TMEM108: variants seen among roughly 807,000 people sequenced by gnomAD.
TMEM108 encodes transmembrane protein 108.
Under a neutral mutation model 35.1 loss-of-function variants are expected in TMEM108, and 12 were observed. The ratio of observed to expected loss-of-function variants is 0.34; its 90% CI spans 0.22 to 0.55. The LOEUF (loss-of-function observed/expected upper bound fraction) is 0.55. Ranked by LOEUF, TMEM108 falls within the 20% of genes least tolerant of loss-of-function variation. The pLI is 0.89. For missense variants in TMEM108, 680 were observed against 753.3 expected, an observed-to-expected ratio of 0.90 and a Z score of 1.14; for synonymous variants, 287 against 308.6, an observed-to-expected ratio of 0.93 and a Z score of 0.73.
At position 133,111,453 on chromosome 3, in the gene TMEM108, G is replaced by C. The variant is rs116150512; in HGVS notation, c.-47+65433G>C. ...CTCATCATGAGTCTCTTTAATTAGA[G>C]TGTGAATTTTGACTTTAATATAGAT... On this transcript the variant is annotated intron_variant, in intron 2 of 5. Transcript: ENST00000321871. Among the ~76,000 whole-genome samples the C allele has an allele frequency of 2.7e-3, 418 of 152,094 alleles. 1 individual carries two copies. Among genetic ancestry groups the C allele is most frequent in the Non-Finnish European group, 5.3e-3 (357 of 67,994 alleles).
intron 2 of TMEM108, among the ~76,000 whole-genome samples, chr3:133,071,577 C>T (rs1402826011): frequency 6.6e-6 from 1 of 152,118 alleles, no homozygotes; most frequent in African/African-American, 2.4e-5. Flanking sequence ...TTTTTCCTCA[C>T]TTGCATGATG....
intron 3 of TMEM108, among the ~76,000 whole-genome samples, chr3:133,367,524 CA>C (rs1288302229): frequency 2.0e-5 from 3 of 152,272 alleles, no homozygotes; most frequent in Admixed American, 1.3e-4. Flanking sequence ...GGCAGTCTCA[CA>C]AGGATGCACA....
At chr3:133,239,691 T>C (rs1382095543) in intron 3 of TMEM108, among the ~76,000 whole-genome samples, 1 of 152,196 alleles carries the variant, frequency 6.6e-6, no homozygotes, top group Non-Finnish European at 1.5e-5. Context: ...AAGTCTCTAG[T>C]AGTGCTGAAG....
At chr3:133,306,168 T>A (rs2071034743) in intron 3 of TMEM108, among the ~76,000 whole-genome samples, 1 of 152,206 alleles carries the variant, frequency 6.6e-6, no homozygotes, top group Admixed American at 6.5e-5. Flanking sequence ...TTCTCATTTT[T>A]GACAACTCTG....
intron 2 of TMEM108, among the ~76,000 whole-genome samples, chr3:133,144,026 G>A (rs1354881368): frequency 6.6e-6 from 1 of 150,786 alleles, no homozygotes; most frequent in Non-Finnish European, 1.5e-5. Context: ...AGAACGTGCA[G>A]CTTTGTTACA....
At chr3:133,221,471 G>A (rs1184991783) in intron 2 of TMEM108, among the ~76,000 whole-genome samples, 5 of 152,046 alleles carry the variant, frequency 3.3e-5, no homozygotes, top group Non-Finnish European at 7.4e-5. Flanking sequence ...TAAATTATAA[G>A]GAGTTTTGTG....
chr3:133,221,289 A>G (rs75204726), intron 2 of TMEM108, among the ~76,000 whole-genome samples: 2,219 of 152,194 alleles, frequency 0.015, 73 homozygotes, highest in African/African-American at 0.049. Flanking sequence ...GAATTGCCTC[A>G]TTAGAAAAAA....
rs958092562 is a variant in TMEM108, at chr3:133,364,876, C to G, written c.41-14876C>G. Reference sequence around the variant, plus strand: ...AACACCTTCAGGAAAGTAAGAGAAGCCGGATCAGGCAGGGGGGGAAGTTGG... The same window carrying G: ...AACACCTTCAGGAAAGTAAGAGAAGGCGGATCAGGCAGGGGGGGAAGTTGG... On this transcript the variant is annotated intron_variant, in intron 3 of 5. Coordinates refer to ENST00000321871, the MANE Select transcript of TMEM108 (RefSeq NM_023943.4). Among the ~76,000 whole-genome samples the G allele has an allele frequency of 7.7e-4, 117 of 152,138 alleles. 2 individuals carry two copies. Among genetic ancestry groups the G allele is most frequent in the Admixed American group, 7.7e-3 (117 of 15,274 alleles).
At chr3:133,334,339 A>T in intron 3 of TMEM108, among the ~76,000 whole-genome samples, 1 of 152,334 alleles carries the variant, frequency 6.6e-6, no homozygotes, top group East Asian at 1.9e-4. Context: ...AAGACAAAAA[A>T]CGAGACCCAG....
chr3:133,393,583 C>A (rs1358938519), intron 5 of TMEM108, among the ~76,000 whole-genome samples: 1 of 152,156 alleles, frequency 6.6e-6, no homozygotes, highest in African/African-American at 2.4e-5. Context: ...AGAGGACAAA[C>A]GAGGGGCCAG....
At chr3:133,048,716 C>G (rs1943368358) in intron 2 of TMEM108, among the ~76,000 whole-genome samples, 1 of 152,148 alleles carries the variant, frequency 6.6e-6, no homozygotes, top group African/African-American at 2.4e-5. Context: ...CATGTATAGC[C>G]TTGTTTATTT....
chr3:133,242,487 T>C (rs1388432344), intron 3 of TMEM108, among the ~76,000 whole-genome samples: 1 of 152,090 alleles, frequency 6.6e-6, no homozygotes, highest in Admixed American at 6.5e-5. Context: ...GCTGAGTGTT[T>C]TAAAAACCAA....
intron 3 of TMEM108, among the ~76,000 whole-genome samples, chr3:133,324,784 T>C (rs1020375769): frequency 6.6e-6 from 1 of 152,198 alleles, no homozygotes; most frequent in Non-Finnish European, 1.5e-5. Flanking sequence ...AAGACCAGCC[T>C]GGCCAAAATG....
At chr3:133,101,590 T>C (rs769129832) in intron 2 of TMEM108, among the ~76,000 whole-genome samples, 10 of 152,230 alleles carry the variant, frequency 6.6e-5, no homozygotes, top group Non-Finnish European at 1.0e-4. Context: ...TAAAATATAG[T>C]AGAAGCCGTC....
intron 2 of TMEM108, among the ~76,000 whole-genome samples, chr3:133,101,669 GTTTAT>G (rs1944089676): frequency 6.6e-6 from 1 of 152,296 alleles, no homozygotes; most frequent in African/African-American, 2.4e-5. Context: ...ATCTTAAAAT[GTTTAT>G]TTTACATACA....
chr3:133,369,362 G>A (rs960385170), intron 3 of TMEM108, among the ~76,000 whole-genome samples: 6 of 152,184 alleles, frequency 3.9e-5, no homozygotes, highest in African/African-American at 1.4e-4. Context: ...GAGACTGGAC[G>A]TATCCGTGTC....
intron 3 of TMEM108, among the ~76,000 whole-genome samples, chr3:133,371,319 G>A (rs938231): frequency 0.31 from 46,738 of 152,040 alleles, 8,357 homozygotes; most frequent in East Asian, 0.42. Context: ...AGACTCAGCT[G>A]CATGGGCTGA....
At chr3:133,243,443 A>G (rs1248237529) in intron 3 of TMEM108, among the ~76,000 whole-genome samples, 2 of 150,424 alleles carry the variant, frequency 1.3e-5, no homozygotes, top group Non-Finnish European at 2.9e-5. Context: ...TAACCTAGCT[A>G]TACAAATTTC....
chr3:133,236,684 CCTT>C (rs2107657477), intron 3 of TMEM108, among the ~76,000 whole-genome samples: 1 of 152,216 alleles, frequency 6.6e-6, no homozygotes, highest in South Asian at 2.1e-4. Flanking sequence ...TCTAACCATT[CCTT>C]CTTGCCTACC....
Sources: allele counts gnomAD v4.1 joint callset (sites outside exome capture counted in the v4.1 genomes callset), GRCh38; gene constraint gnomAD v4.1.1; transcripts MANE v1.5; gene names NCBI Gene and HGNC (gene_info 2026-07-23, HGNC 2026-07-21).